Variants in LYPD1 observed in about 807,000 individuals in gnomAD.
LYPD1 encodes ly6/PLAUR domain-containing protein 1.
A neutral mutation model predicts 14.2 loss-of-function variants in LYPD1; 14 were observed. The ratio of observed to expected loss-of-function variants is 0.99; its 90% CI spans 0.65 to 1.54. The LOEUF is 1.54. LYPD1 is among the 40% of genes most tolerant of loss of function. The pLI, the probability that LYPD1 is intolerant of heterozygous loss-of-function variation, is 0.00. For missense variants in LYPD1, 165 were observed against 175.7 expected (o/e 0.94, Z 0.34); for synonymous variants, 85 against 70.6 (o/e 1.20, Z -1.02).
chr2:132,659,487 C>T (rs1682805325), intron 2 of LYPD1, among the ~76,000 whole-genome samples: 1 of 152,206 alleles, frequency 6.6e-6, no homozygotes, highest in Non-Finnish European at 1.5e-5. Context: ...CTCTAAAATA[C>T]TGAGAGGATG....
chr2:132,668,814 G>T (rs1683448236), intron 1 of LYPD1, among the ~76,000 whole-genome samples: 2 of 152,174 alleles, frequency 1.3e-5, no homozygotes, highest in Admixed American at 6.5e-5. Context: ...CTTTTCCCAA[G>T]AAGTTGAAGG....
intron 2 of LYPD1, among the ~76,000 whole-genome samples, chr2:132,666,321 T>C (rs1683270504): frequency 6.6e-6 from 1 of 152,222 alleles, no homozygotes; most frequent in Non-Finnish European, 1.5e-5. Context: ...ATTGCTCTTT[T>C]GATGCAGAAA....
chr2:132,651,211 G>A (rs527834994), intron 2 of LYPD1, among the ~76,000 whole-genome samples: 168 of 152,106 alleles, frequency 1.1e-3, no homozygotes, highest in Non-Finnish European at 1.9e-3. Context: ...TTAAAATGAC[G>A]TAAATAAACA....
rs772901417 is a variant in LYPD1 at position 132,668,538 on chromosome 2, C to A, written c.53-1G>T. 2 of 1,611,840 alleles carry A rather than the reference C, an allele frequency of 1.2e-6. No individual in the cohort carries two copies. Among genetic ancestry groups the A allele is most frequent in the Admixed American group, 3.3e-5 (2 of 59,782 alleles). On this transcript the variant is annotated splice_acceptor_variant, in intron 1 of 2. Transcript: ENST00000397463. LOFTEE classifies it high-confidence loss of function. ...TAGCACTGGATTTGCAGCGCAAAGC[C>A]TGCGAGACAGACGCAGTCGGGTTCA...
intron 2 of LYPD1, chr2:132,666,826 C>T (rs1558888999): frequency 1.3e-5 from 2 of 152,202 alleles, no homozygotes; most frequent in African/African-American, 2.4e-5. Flanking sequence ...CCCTTCTCAA[C>T]CATATCCCAG....
At chr2:132,664,732 C>T (rs2104924111) in intron 2 of LYPD1, among the ~76,000 whole-genome samples, 1 of 152,306 alleles carries the variant, frequency 6.6e-6, no homozygotes, top group East Asian at 1.9e-4. Context: ...GCCCCTTTCA[C>T]TGTATCTAGT....
Position 132,645,661 on chromosome 2 carries a change from T to A in LYPD1, c.*384A>T. Reference sequence around the variant, plus strand: ...CTGGCCCTCCAGCCCTAAGAAAACGTCACTCTCACTCTGCAGTCTCAAACT... The same window carrying A: ...CTGGCCCTCCAGCCCTAAGAAAACGACACTCTCACTCTGCAGTCTCAAACT... On this transcript the variant is annotated 3_prime_UTR_variant, in exon 3 of 3. Transcript: ENST00000397463. 1 of 1,556,766 alleles carries A rather than the reference T, an allele frequency of 6.4e-7. No homozygotes were observed. The highest frequency in any genetic ancestry group is 8.7e-7 in the Non-Finnish European group (1 of 1,153,528).
chr2:132,652,246 A>G (rs1682387018), intron 2 of LYPD1, among the ~76,000 whole-genome samples: 1 of 152,224 alleles, frequency 6.6e-6, no homozygotes, highest in Non-Finnish European at 1.5e-5. Flanking sequence ...AAGCTCCAGC[A>G]ATCAGAACAG....
At chr2:132,651,074 T>C (rs1334955376) in intron 2 of LYPD1, among the ~76,000 whole-genome samples, 1 of 152,086 alleles carries the variant, frequency 6.6e-6, no homozygotes. Flanking sequence ...TATGGAAAAA[T>C]ACACAAAAAA....
intron 2 of LYPD1, among the ~76,000 whole-genome samples, chr2:132,647,622 C>T (rs1248989946): frequency 6.6e-6 from 1 of 152,190 alleles, no homozygotes; most frequent in Non-Finnish European, 1.5e-5. Context: ...TGAGCCACTG[C>T]GCCCGGCCAT....
intron 2 of LYPD1, among the ~76,000 whole-genome samples, chr2:132,652,702 C>G (rs1471204659): frequency 6.6e-6 from 1 of 152,170 alleles, no homozygotes; most frequent in Non-Finnish European, 1.5e-5. Flanking sequence ...ATGGAACACA[C>G]CACCCACTAT....
chr2:132,660,225 A>G (rs1396577253), intron 2 of LYPD1, among the ~76,000 whole-genome samples: 1 of 152,242 alleles, frequency 6.6e-6, no homozygotes, highest in Non-Finnish European at 1.5e-5. Flanking sequence ...ATACAACTTT[A>G]TCACTTTTGC....
intron 2 of LYPD1, 55 bp downstream of exon 2, chr2:132,668,345 C>G: frequency 6.5e-7 from 1 of 1,538,056 alleles, no homozygotes; most frequent in Non-Finnish European, 8.7e-7. Flanking sequence ...GGCCCCCTCA[C>G]TCCCACCCCA....
intron 2 of LYPD1, among the ~76,000 whole-genome samples, chr2:132,649,659 A>G (rs1341173258): frequency 6.6e-6 from 1 of 152,080 alleles, no homozygotes; most frequent in African/African-American, 2.4e-5. Context: ...GCCACAGGAG[A>G]GAGTCGAAGG....
chr2:132,668,356 C>T, intron 2 of LYPD1, 44 bp downstream of exon 2: 1 of 1,555,046 alleles, frequency 6.4e-7, no homozygotes, highest in East Asian at 2.4e-5. Context: ...TCCCACCCCA[C>T]AGCCCAGGCT....
intron 2 of LYPD1, among the ~76,000 whole-genome samples, chr2:132,657,314 C>G (rs1397195888): frequency 1.3e-5 from 2 of 152,122 alleles, no homozygotes; most frequent in East Asian, 1.9e-4. Context: ...TCTTTGTTCT[C>G]CAGTTTGCCA....
intron 2 of LYPD1, among the ~76,000 whole-genome samples, chr2:132,647,461 T>C (rs4547578): frequency 0.6 from 90,737 of 151,912 alleles, 28,955 homozygotes; most frequent in African/African-American, 0.83. Context: ...GACGGAGTCT[T>C]GCTCTGTCGC....
At chr2:132,663,633 C>A (rs892472221) in intron 2 of LYPD1, among the ~76,000 whole-genome samples, 1 of 152,150 alleles carries the variant, frequency 6.6e-6, no homozygotes, top group African/African-American at 2.4e-5. Flanking sequence ...GAATGTGGAA[C>A]TTTGTTTTTG....
At position 132,645,512 on chromosome 2, in the gene LYPD1, C is replaced by G. The variant is rs61757692; in HGVS notation, c.*533G>C. The G allele has an allele frequency of 2.3e-3, 3,687 of 1,612,956 alleles. 9 individuals are homozygous for G. Among genetic ancestry groups the G allele is most frequent in the Non-Finnish European group, 2.8e-3 (3,317 of 1,179,776 alleles). On this transcript the variant is annotated 3_prime_UTR_variant, in exon 3 of 3. Transcript: ENST00000397463. ...AGCGAGGCCGAGCCCCAGTCTAAGT[C>G]CCAGTCATTGAGTCTCGAGTCACTA...
Sources: allele counts gnomAD v4.1 joint callset (sites outside exome capture counted in the v4.1 genomes callset), GRCh38; gene constraint gnomAD v4.1.1; transcripts MANE v1.5; gene names NCBI Gene and HGNC (gene_info 2026-07-23, HGNC 2026-07-21).